Variants in IFT80 observed in about 807,000 individuals in gnomAD.
The protein encoded by IFT80 is intraflagellar transport 80, also known as intraflagellar transport protein 80 homolog.
Under a neutral mutation model 107.9 loss-of-function variants are expected in IFT80, and 79 were observed. The ratio of observed to expected loss-of-function variants is 0.73; its 90% CI spans 0.61 to 0.88. IFT80 has a LOEUF of 0.88. IFT80 is among the 40% of genes least tolerant of loss of function. The pLI is 0.00. For synonymous variants in IFT80, 299 were observed against 300.9 expected, an observed-to-expected ratio of 0.99 and a Z score of 0.07; for missense variants, 797 against 914.2, an observed-to-expected ratio of 0.87 and a Z score of 1.65.
intron 10 of IFT80, among the ~76,000 whole-genome samples, chr3:160,306,226 AT>A (rs1241637296): frequency 2.0e-5 from 3 of 152,152 alleles, no homozygotes; most frequent in Admixed American, 6.5e-5. Context: ...GACCAAAAAA[AT>A]TAACAGCTGC....
chr3:160,278,479 C>A (rs1427955777), intron 16 of IFT80, among the ~76,000 whole-genome samples: 3 of 152,188 alleles, frequency 2.0e-5, no homozygotes, highest in Non-Finnish European at 4.4e-5. Flanking sequence ...CCTATGAAAT[C>A]TGCTGCAGTC....
chr3:160,376,692 T>C (rs886576570), intron 4 of IFT80, among the ~76,000 whole-genome samples: 1 of 152,210 alleles, frequency 6.6e-6, no homozygotes, highest in Non-Finnish European at 1.5e-5. Context: ...AAAGATACAG[T>C]AGCTTCTACC....
intron 3 of IFT80, among the ~76,000 whole-genome samples, chr3:160,379,711 T>C (rs1044969872): frequency 1.3e-5 from 2 of 152,166 alleles, no homozygotes; most frequent in African/African-American, 2.4e-5. Flanking sequence ...CAAAATTATA[T>C]CAAAATAATT....
chr3:160,373,782 G>C (rs1711750475), intron 5 of IFT80: 1 of 152,462 alleles, frequency 6.6e-6, no homozygotes, highest in African/African-American at 2.4e-5. Context: ...ATGCTTCTAT[G>C]AGAATCTAAT....
chr3:160,381,440 TA>T, intron 3 of IFT80, 62 bp downstream of exon 3: 1 of 1,238,054 alleles, frequency 8.1e-7, no homozygotes, highest in Non-Finnish European at 1.2e-6. Flanking sequence ...ACTCAAAGCA[TA>T]AATCATACTA....
chr3:160,379,492 A>G (rs1712299756), intron 3 of IFT80, among the ~76,000 whole-genome samples: 1 of 152,194 alleles, frequency 6.6e-6, no homozygotes, highest in Admixed American at 6.6e-5. Context: ...AAATGCATTG[A>G]AGTATTCATG....
At chr3:160,303,789 TA>T in intron 11 of IFT80, 125 bp downstream of exon 11, 1 of 646,138 alleles carries the variant, frequency 1.5e-6, no homozygotes, top group Non-Finnish European at 2.8e-6. Context: ...TTCTAAAATG[TA>T]AAATAGAAAC....
intron 10 of IFT80, among the ~76,000 whole-genome samples, chr3:160,305,617 C>A (rs1716780519): frequency 6.6e-6 from 1 of 152,026 alleles, no homozygotes; most frequent in Non-Finnish European, 1.5e-5. Context: ...GAAACATAAA[C>A]TCCCTAAGCT....
At chr3:160,288,412 T>C (rs750830227) in intron 12 of IFT80, among the ~76,000 whole-genome samples, 45 of 152,108 alleles carry the variant, frequency 3.0e-4, no homozygotes, top group Admixed American at 1.7e-3. Flanking sequence ...GCAATACCAT[T>C]CTGGACATGG....
chr3:160,300,437 T>C (rs998970160), intron 12 of IFT80, among the ~76,000 whole-genome samples: 4 of 152,114 alleles, frequency 2.6e-5, no homozygotes, highest in African/African-American at 7.2e-5. Flanking sequence ...AAGTTATTCA[T>C]ACCTTTCTTT....
Position 160,341,021 on chromosome 3 carries a change from T to TTG in IFT80, c.777+14991_777+14992insCA, listed in dbSNP as rs537231609. ...TAAAATGATATTTTTACTACCTTTT[T>TTG]TTTTTGTTTTTGAGACAAGTTTTCA... On this transcript the variant is annotated intron_variant, in intron 8 of 19. Coordinates refer to ENST00000326448, the MANE Select transcript of IFT80 (RefSeq NM_020800.3). Among the ~76,000 whole-genome samples the TTG allele has an allele frequency of 1.2e-4, 18 of 152,098 alleles. No individual in the cohort carries two copies. The South Asian group carries it at 3.5e-3, about 30-fold the overall frequency.
intron 2 of IFT80, among the ~76,000 whole-genome samples, chr3:160,382,645 ATATTGCCAG>A (rs1712611662): frequency 6.6e-6 from 1 of 152,126 alleles, no homozygotes; most frequent in Non-Finnish European, 1.5e-5. Context: ...CTGGATTTCT[ATATTGCCAG>A]ATTATTCCTG....
At position 160,282,477 on chromosome 3, in the gene IFT80, C is replaced by A; in HGVS notation, c.1516+1G>T. 6.4e-7 allele frequency: 1 copy of A among 1,571,070 alleles called. No individual in the cohort carries two copies. On this transcript the variant is annotated splice_donor_variant, in intron 14 of 19. Coordinates refer to ENST00000326448, the MANE Select transcript of IFT80 (RefSeq NM_020800.3). LOFTEE classifies it high-confidence loss of function. ...CTTAAAATGTATTAAAATTATTTTACCAAGCTTGATAATTTGTTCTTCCTT... is the reference window on the plus strand; with the variant it reads ...CTTAAAATGTATTAAAATTATTTTAACAAGCTTGATAATTTGTTCTTCCTT...
intron 8 of IFT80, among the ~76,000 whole-genome samples, chr3:160,347,721 T>C (rs969789167): frequency 3.3e-5 from 5 of 152,188 alleles, no homozygotes; most frequent in Admixed American, 6.5e-5. Flanking sequence ...TTCCAGGTGA[T>C]TAAACATGAT....
At position 160,356,151 on chromosome 3, in the gene IFT80, C is replaced by CT. The variant is rs1196506987; in HGVS notation, c.640-2dup. The CT allele has an allele frequency of 6.2e-7, 1 of 1,611,414 alleles. No homozygotes were observed. ...GTGGGCGGCCGTAACTATCCCATAC[C>CT]TACAAAAGCAATTTTTAAAAATCTT... On this transcript the variant is annotated splice_acceptor_variant, in intron 7 of 19. Transcript: ENST00000326448. LOFTEE classifies it high-confidence loss of function.
At chr3:160,309,613 G>A (rs1027578491) in intron 9 of IFT80, among the ~76,000 whole-genome samples, 1 of 152,156 alleles carries the variant, frequency 6.6e-6, no homozygotes, top group African/African-American at 2.4e-5. Flanking sequence ...CATGACCCCG[G>A]GAGGTGGAGC....
intron 12 of IFT80, among the ~76,000 whole-genome samples, chr3:160,292,277 A>G (rs1715619640): frequency 6.6e-6 from 1 of 152,214 alleles, no homozygotes; most frequent in Admixed American, 6.5e-5. Flanking sequence ...AACATACCTT[A>G]CAATCCATAA....
chr3:160,295,656 G>C (rs1715919614), intron 12 of IFT80, among the ~76,000 whole-genome samples: 1 of 152,058 alleles, frequency 6.6e-6, no homozygotes, highest in Admixed American at 6.6e-5. Flanking sequence ...GTGTTTATCT[G>C]AAAGAACTGA....
At chr3:160,352,152 G>A (rs1321363373) in intron 8 of IFT80, among the ~76,000 whole-genome samples, 3 of 151,710 alleles carry the variant, frequency 2.0e-5, no homozygotes, top group Non-Finnish European at 2.9e-5. Flanking sequence ...CACCACGCCC[G>A]GCTAATTTTG....
Sources: allele counts gnomAD v4.1 joint callset (sites outside exome capture counted in the v4.1 genomes callset), GRCh38; gene constraint gnomAD v4.1.1; transcripts MANE v1.5; gene names NCBI Gene and HGNC (gene_info 2026-07-23, HGNC 2026-07-21).